ASAP2: variants seen among roughly 807,000 people sequenced by gnomAD.
ASAP2 encodes ArfGAP with SH3 domain, ankyrin repeat and PH domain 2.
A neutral mutation model predicts 131.4 loss-of-function variants in ASAP2; 45 were observed. The ratio of observed to expected loss-of-function variants is 0.34; its 90% confidence interval spans 0.27 to 0.44. The LOEUF (loss-of-function observed/expected upper bound fraction) is 0.44, where lower values mean the gene tolerates loss of function less well. ASAP2 is among the 20% of genes least tolerant of loss of function. The pLI is 1.00. For synonymous variants in ASAP2, 510 were observed against 503.0 expected (o/e 1.01, Z -0.19); for missense variants, 1,011 against 1,297.0 (o/e 0.78, Z 3.39).
chr2:9,403,406 T>A lies in ASAP2; in HGVS notation c.*79T>A, dbSNP rs1478769014. On this transcript the variant is annotated 3_prime_UTR_variant, in exon 28 of 28. Transcript: ENST00000281419. ...CAAAACTCTTGCCAGATAACCAGTT[T>A]CATGAACTGTTTGTATGGCAGCCCA... 1.4e-6 allele frequency: 2 copies of A among 1,403,824 alleles called. No homozygotes were observed. Among genetic ancestry groups the A allele is most frequent in the Non-Finnish European group, 2.0e-6 (2 of 999,638 alleles). 87.0% of individuals were successfully genotyped at this position (1,403,824 alleles called of 1,614,324 possible).
intron 7 of ASAP2, among the ~76,000 whole-genome samples, chr2:9,328,550 G>C (rs538358436): frequency 2.4e-4 from 36 of 152,336 alleles, no homozygotes; most frequent in Middle Eastern, 6.8e-3. Flanking sequence ...ATATTATCCT[G>C]TGGAGCCAAT....
Position 9,243,054 on chromosome 2 carries a change from A to G in ASAP2, c.126+35824A>G, listed in dbSNP as rs150716152. On this transcript the variant is annotated intron_variant, in intron 1 of 27. Coordinates refer to ENST00000281419, the MANE Select transcript of ASAP2 (RefSeq NM_003887.3). ...ACGGATTAACAAAGATGTGTACTTC[A>G]CTTTCCAAGAACAGGAATGTTTTGC... 1.2e-3 allele frequency among the ~76,000 whole-genome samples: 184 copies of G among 152,336 alleles called. 1 individual carries two copies. The Middle Eastern group carries it at 0.014, about 11-fold the overall frequency.
At chr2:9,233,579 C>T (rs1474311796) in intron 1 of ASAP2, among the ~76,000 whole-genome samples, 1 of 152,204 alleles carries the variant, frequency 6.6e-6, no homozygotes, top group East Asian at 1.9e-4. Flanking sequence ...ATAGCTTAGC[C>T]TATGTAGTGA....
In ASAP2 at chr2:9,392,104, CT is replaced by C. The variant is rs1182989167; in HGVS notation, c.2518+910del. Among the ~76,000 whole-genome samples, 3 of 152,204 alleles carry C rather than the reference CT, an allele frequency of 2.0e-5. 1 individual carries two copies. The highest frequency in any genetic ancestry group is 4.4e-5 in the Non-Finnish European group (3 of 68,030). On this transcript the variant is annotated intron_variant, in intron 23 of 27. Transcript: ENST00000281419. This position sits in a 1 kb window ranked among gnomAD's most constrained non-coding sequence, Gnocchi z 4.0. ...TCCTGGGCTCAAGTGATCCACCCGC[CT>C]TGTCCTCCCAAAGTGCTGGGATTAC...
intron 15 of ASAP2, among the ~76,000 whole-genome samples, chr2:9,361,283 T>C (rs1356549643): frequency 6.6e-6 from 1 of 152,140 alleles, no homozygotes; most frequent in Non-Finnish European, 1.5e-5. Context: ...AGCAGTGAAT[T>C]GTGTAGGATT....
At chr2:9,214,092 T>G (rs1409747405) in intron 1 of ASAP2, among the ~76,000 whole-genome samples, 1 of 152,064 alleles carries the variant, frequency 6.6e-6, no homozygotes, top group Non-Finnish European at 1.5e-5. Context: ...CCATTTCAGC[T>G]CCCCAAACAC....
At position 9,335,271 on chromosome 2, in the gene ASAP2, C is replaced by T. The variant is rs754265152; in HGVS notation, c.849+92C>T. 151 of 1,126,886 alleles carry T rather than the reference C, an allele frequency of 1.3e-4. 2 individuals carry two copies. Among genetic ancestry groups the T allele is most frequent in the South Asian group, 7.7e-4 (60 of 78,022 alleles). The allele number at this position is 1,126,886 out of a possible 1,614,324, so 69.8% of individuals were successfully genotyped here. A position where few individuals can be genotyped will look rare whatever the true frequency, so the allele number is the denominator to read the frequency against. On this transcript the variant is annotated intron_variant, in intron 9 of 27. Transcript: ENST00000281419. ...ACATGAAGTTCATGTCTTCTAGGAG[C>T]TCACAGTTCACTCGGGCTGTGTCAG...
chr2:9,367,394 T>C (rs1333539017), intron 15 of ASAP2, among the ~76,000 whole-genome samples: 1 of 152,126 alleles, frequency 6.6e-6, no homozygotes, highest in African/African-American at 2.4e-5. Flanking sequence ...CAGCAGAACA[T>C]GGAAATGAAA....
At chr2:9,343,915 AC>A (rs1671774707) in intron 9 of ASAP2, among the ~76,000 whole-genome samples, 4 of 152,208 alleles carry the variant, frequency 2.6e-5, no homozygotes, top group Admixed American at 2.6e-4. Context: ...TGGATGGTTT[AC>A]CTATGATTAA....
intron 16 of ASAP2, 106 bp downstream of exon 16, chr2:9,368,625 CT>C: frequency 1.1e-6 from 1 of 875,858 alleles, no homozygotes; most frequent in Non-Finnish European, 1.9e-6. Context: ...ATCGTTGCTT[CT>C]TTAGGGAATA....
intron 11 of ASAP2, 73 bp downstream of exon 11, chr2:9,344,873 A>G (rs1671858126): frequency 1.5e-6 from 2 of 1,311,114 alleles, no homozygotes; most frequent in African/African-American, 2.9e-5. Context: ...TTCTGAAGTT[A>G]GAGGGCAGGA....
At position 9,271,376 on chromosome 2, in the gene ASAP2, G is replaced by A. The variant is rs1012233884; in HGVS notation, c.127-7941G>A. ...TATATGTTCTTGCACCTGTCACCCT[G>A]TAGCTGAATTACTTCTCCATATTCT... On this transcript the variant is annotated intron_variant, in intron 1 of 27. Coordinates refer to ENST00000281419, the MANE Select transcript of ASAP2 (RefSeq NM_003887.3). 3.6e-6 allele frequency: 5 copies of A among 1,380,016 alleles called. No homozygotes were observed. The Admixed American group carries it at 8.4e-5, about 23-fold the overall frequency. The allele number at this position is 1,380,016 out of a possible 1,614,324, so 85.5% of individuals were successfully genotyped here.
chr2:9,258,895 A>C (rs1476794282), intron 1 of ASAP2, among the ~76,000 whole-genome samples: 1 of 152,222 alleles, frequency 6.6e-6, no homozygotes, highest in African/African-American at 2.4e-5. Flanking sequence ...AGCATTTTAG[A>C]GTCTGTAGGT....
intron 6 of ASAP2, among the ~76,000 whole-genome samples, chr2:9,324,139 C>G (rs780970529): frequency 2.0e-5 from 3 of 152,220 alleles, no homozygotes; most frequent in Non-Finnish European, 4.4e-5. Flanking sequence ...TCTTAATTCC[C>G]TCTGAGCAAT....
intron 4 of ASAP2, among the ~76,000 whole-genome samples, chr2:9,319,605 C>T (rs1670026378): frequency 6.6e-6 from 1 of 152,240 alleles, no homozygotes; most frequent in South Asian, 2.1e-4. Context: ...ACTTGTGTGC[C>T]AGGCTGTGGC....
chr2:9,290,711 A>G (rs1667757437), intron 2 of ASAP2, among the ~76,000 whole-genome samples: 2 of 152,244 alleles, frequency 1.3e-5, no homozygotes, highest in Admixed American at 6.5e-5. Flanking sequence ...CAGTATCTTT[A>G]TAACCAGCAG....
At chr2:9,250,751 T>A (rs556813542) in intron 1 of ASAP2, among the ~76,000 whole-genome samples, 17 of 152,334 alleles carry the variant, frequency 1.1e-4, no homozygotes, top group Admixed American at 6.5e-4. Context: ...CCTGAGATGT[T>A]GCAGTCTTCC....
At chr2:9,323,485 G>A (rs1423256832) in intron 6 of ASAP2, among the ~76,000 whole-genome samples, 1 of 152,218 alleles carries the variant, frequency 6.6e-6, no homozygotes, top group Non-Finnish European at 1.5e-5. Context: ...ACCACTAAAT[G>A]TCTAGAATGT....
intron 1 of ASAP2, among the ~76,000 whole-genome samples, chr2:9,254,254 T>TATATATACAC (rs1553297027): frequency 3.0e-5 from 2 of 65,766 alleles, no homozygotes; most frequent in African/African-American, 1.5e-4. Context: ...TATATATATA[T>TATATATACAC]ACACGTGTGT....
Sources: gnomAD v4.1 joint callset for allele counts (sites outside exome capture counted in the v4.1 genomes callset) on GRCh38, gnomAD v4.1.1 for gene constraint, Gnocchi (gnomAD v3.1) non-coding constraint, MANE v1.5 for transcripts, NCBI Gene and HGNC (gene_info 2026-07-23, HGNC 2026-07-21) for gene names.